Variants in ATP8A1 observed in about 807,000 individuals in gnomAD.
ATP8A1 encodes ATPase phospholipid transporting 8A1, also known as phospholipid-transporting ATPase IA.
ATP8A1 carries 90 observed loss-of-function variants against 177.7 expected under a neutral mutation model. The ratio of observed to expected loss-of-function variants is 0.51; its 90% CI spans 0.43 to 0.60. ATP8A1 has a LOEUF of 0.60. ATP8A1 is among the 20% of genes least tolerant of loss of function. The probability of loss-of-function intolerance (pLI) is 0.00; values close to 1 mark genes in which losing one functional copy is unlikely to be tolerated. For missense variants in ATP8A1, 1,072 were observed against 1,392.8 expected (o/e 0.77, Z 3.67); for synonymous variants, 493 against 485.9 (o/e 1.01, Z -0.19).
chr4:42,440,884 T>A (rs913235003), intron 33 of ATP8A1, among the ~76,000 whole-genome samples: 1 of 150,576 alleles, frequency 6.6e-6, no homozygotes, highest in Non-Finnish European at 1.5e-5. Context: ...GAGACCCTTA[T>A]TAAGCTTTTG....
In ATP8A1 at chr4:42,581,568, C is replaced by G. The variant is rs1201749455; in HGVS notation, c.834+53G>C. On this transcript the variant is annotated intron_variant, in intron 10 of 36. Coordinates refer to ENST00000381668, the MANE Select transcript of ATP8A1 (RefSeq NM_006095.2). ...GACCACTGCACTGAGATCTGTAAAT[C>G]ATACACTCACAAAAGCCTTAGGTCC... 2.3e-6 allele frequency: 3 copies of G among 1,287,778 alleles called. No individual in the cohort carries two copies. In the East Asian group the frequency reaches 6.9e-5, roughly 30 times the overall value. 79.8% of individuals were successfully genotyped at this position (1,287,778 alleles called of 1,614,324 possible).
At chr4:42,491,920 T>A (rs1184943501) in intron 24 of ATP8A1, among the ~76,000 whole-genome samples, 2 of 152,152 alleles carry the variant, frequency 1.3e-5, no homozygotes, top group African/African-American at 4.8e-5. Context: ...GCCTCTAGAA[T>A]TTGACTCCAT....
At chr4:42,445,811 G>A (rs755815907) in intron 31 of ATP8A1, among the ~76,000 whole-genome samples, 45 of 152,132 alleles carry the variant, frequency 3.0e-4, no homozygotes, top group Admixed American at 5.9e-4. Context: ...CAGGTGTGGT[G>A]GCTCATGCCT....
intron 15 of ATP8A1, among the ~76,000 whole-genome samples, chr4:42,568,051 T>C (rs1577606211): frequency 6.6e-6 from 1 of 152,190 alleles, no homozygotes; most frequent in Non-Finnish European, 1.5e-5. Flanking sequence ...AGGGAATATA[T>C]ACAATATTAA....
intron 4 of ATP8A1, among the ~76,000 whole-genome samples, chr4:42,619,077 T>G (rs1737193645): frequency 6.6e-6 from 1 of 151,474 alleles, no homozygotes; most frequent in African/African-American, 2.4e-5. Context: ...TGAGATGGAG[T>G]CTCATTCTGT....
chr4:42,467,708 G>C (rs1011222207), intron 25 of ATP8A1, among the ~76,000 whole-genome samples: 5 of 152,102 alleles, frequency 3.3e-5, no homozygotes, highest in African/African-American at 7.2e-5. Flanking sequence ...AACAAAAGTG[G>C]ATGACCCTCT....
At chr4:42,516,322 G>A (rs1725530077) in intron 22 of ATP8A1, among the ~76,000 whole-genome samples, 1 of 151,980 alleles carries the variant, frequency 6.6e-6, no homozygotes, top group Non-Finnish European at 1.5e-5. Flanking sequence ...TTACTCTTAA[G>A]CTCAGAAATG....
At position 42,549,062 on chromosome 4, in the gene ATP8A1, G is replaced by C. The variant is rs780309877; in HGVS notation, c.1603C>G (p.Leu535Val). ...RTPDSVIIDS[L>V]GQEERYELLN... ...AATTCATATCTTTCTTCCTGCCCCA[G>C]CTAAGAAGAAAAGGAATATATAATT... The change falls in exon 19 of 37, where the codon CTG becomes GTG. Residue 535 changes from leucine (L) to valine (V), a missense_variant and splice_region_variant. Leu to Val is a conservative substitution (Grantham distance 32). This residue lies in a region of ATP8A1 where 388 missense variants were observed against 471.7 expected (regional missense o/e 0.82). Coordinates refer to ENST00000381668, the MANE Select transcript of ATP8A1 (RefSeq NM_006095.2). The C allele has an allele frequency of 1.2e-6, 2 of 1,609,718 alleles. No homozygotes were observed. The highest frequency in any genetic ancestry group is 3.3e-5 in the Admixed American group (2 of 59,788).
intron 33 of ATP8A1, among the ~76,000 whole-genome samples, chr4:42,429,763 G>A (rs1218037954): frequency 6.6e-6 from 1 of 152,182 alleles, no homozygotes; most frequent in East Asian, 1.9e-4. Flanking sequence ...GGAAAATGTG[G>A]CATATCCATA....
intron 33 of ATP8A1, among the ~76,000 whole-genome samples, chr4:42,424,418 G>T (rs1355608771): frequency 6.6e-6 from 1 of 151,880 alleles, no homozygotes; most frequent in African/African-American, 2.4e-5. Flanking sequence ...GAAATATTTT[G>T]GTTTCACTTC....
chr4:42,616,527 G>A (rs11724685), intron 4 of ATP8A1, among the ~76,000 whole-genome samples: 34,404 of 152,022 alleles, frequency 0.23, 4,364 homozygotes, highest in Non-Finnish European at 0.29. Context: ...ATTTGTTACC[G>A]AATTAAGCTG....
intron 22 of ATP8A1, among the ~76,000 whole-genome samples, chr4:42,521,260 A>G (rs1455542513): frequency 6.6e-6 from 1 of 152,192 alleles, no homozygotes; most frequent in Middle Eastern, 3.2e-3. Context: ...AATGATTTAG[A>G]GCATGAATAC....
intron 33 of ATP8A1, among the ~76,000 whole-genome samples, chr4:42,432,749 C>T (rs140827665): frequency 0.01 from 1,550 of 152,284 alleles, 22 homozygotes; most frequent in African/African-American, 0.036. Context: ...AGCTGCACAT[C>T]TTGGGTAGTC....
At chr4:42,534,568 A>T (rs1203119548) in intron 20 of ATP8A1, among the ~76,000 whole-genome samples, 1 of 152,214 alleles carries the variant, frequency 6.6e-6, no homozygotes, top group African/African-American at 2.4e-5. Context: ...GAGAAATCTA[A>T]AAGTTTGGAA....
chr4:42,502,583 C>T (rs1723963178), intron 24 of ATP8A1, among the ~76,000 whole-genome samples: 1 of 152,144 alleles, frequency 6.6e-6, no homozygotes, highest in African/African-American at 2.4e-5. Flanking sequence ...TTTGCTTCTG[C>T]ATCACAGAGA....
intron 12 of ATP8A1, among the ~76,000 whole-genome samples, chr4:42,576,801 G>A (rs1040735907): frequency 6.6e-6 from 1 of 152,158 alleles, no homozygotes; most frequent in Non-Finnish European, 1.5e-5. Context: ...AAAGTGATCA[G>A]AATAGAGATT....
chr4:42,432,728 A>C (rs12510143), intron 33 of ATP8A1, among the ~76,000 whole-genome samples: 22,926 of 152,162 alleles, frequency 0.15, 2,117 homozygotes, highest in East Asian at 0.23. Flanking sequence ...AGTCCCACTG[A>C]ATCCTTCAGT....
At chr4:42,576,657 G>A (rs958562489) in intron 12 of ATP8A1, among the ~76,000 whole-genome samples, 1 of 151,936 alleles carries the variant, frequency 6.6e-6, no homozygotes, top group Non-Finnish European at 1.5e-5. Flanking sequence ...CAAATGAAAA[G>A]GTCAAAATTC....
Position 42,629,078 on chromosome 4 carries a change from C to T in ATP8A1, c.50-1969G>A, listed in dbSNP as rs111424264. Among the ~76,000 whole-genome samples the T allele has an allele frequency of 5.3e-3, 808 of 152,236 alleles. 11 individuals carry two copies. Among genetic ancestry groups the T allele is most frequent in the African/African-American group, 0.018 (753 of 41,544 alleles). On this transcript the variant is annotated intron_variant, in intron 1 of 36. Coordinates refer to ENST00000381668, the MANE Select transcript of ATP8A1 (RefSeq NM_006095.2). ...GAAAGCAATTGGATACTGCATCTCC[C>T]CCTCAGATATTAACTTGTATTCAAG... is the stretch of plus-strand genomic sequence containing the variant.
Sources: gnomAD v4.1 joint callset for allele counts (sites outside exome capture counted in the v4.1 genomes callset) on GRCh38, gnomAD v4.1.1 for gene constraint, gnomAD v4.1.1 regional missense constraint, MANE v1.5 for transcripts, NCBI Gene and HGNC (gene_info 2026-07-23, HGNC 2026-07-21) for gene names.